The following DOK6 variants were observed in gnomAD, a reference collection of about 807,000 sequenced individuals.
DOK6 encodes docking protein 6.
DOK6 carries 22 observed loss-of-function variants against 44.0 expected under a neutral mutation model. The observed-to-expected ratio is 0.50, with a 90% CI of 0.36 to 0.71. The LOEUF (loss-of-function observed/expected upper bound fraction) is 0.71, where lower values mean the gene tolerates loss of function less well. Among genes scored for constraint, DOK6 ranks in the 30% least tolerant of loss-of-function variants. The pLI, the probability that DOK6 is intolerant of heterozygous loss-of-function variation, is 0.00. For missense variants in DOK6, 340 were observed against 416.4 expected (o/e 0.82, Z 1.60); for synonymous variants, 166 against 145.5 (o/e 1.14, Z -1.01).
In DOK6 at chr18:69,704,033, C is replaced by A. The variant is rs185177712; in HGVS notation, c.599+5440C>A. Among the ~76,000 whole-genome samples, 429 of 152,286 alleles carry A rather than the reference C, an allele frequency of 2.8e-3. 10 individuals are homozygous for A. Among genetic ancestry groups the A allele is most frequent in the Admixed American group, 0.025 (388 of 15,298 alleles). Reference sequence around the variant, plus strand: ...CCAGGAAGAAAGCCCTCACCAGAACCCAACCATGCTGGCACCCTGATCTCA... The same window carrying A: ...CCAGGAAGAAAGCCCTCACCAGAACACAACCATGCTGGCACCCTGATCTCA... On this transcript the variant is annotated intron_variant, in intron 5 of 7. Transcript: ENST00000382713.
intron 1 of DOK6, among the ~76,000 whole-genome samples, chr18:69,411,461 A>G (rs916228295): frequency 6.6e-6 from 1 of 152,182 alleles, no homozygotes; most frequent in African/African-American, 2.4e-5. Context: ...CAGGCTAGCC[A>G]GGATGGAGAA....
At chr18:69,565,503 GTGTGTGTGTGTGTGTGTGTATA>G (rs1257653715) in intron 2 of DOK6, among the ~76,000 whole-genome samples, 114 of 24,336 alleles carry the variant, frequency 4.7e-3, no homozygotes, top group African/African-American at 7.6e-3. Context: ...GTGTGTGTGT[GTGTGTGTGTGTGTGTGTGTATA>G]TATATATACA....
At chr18:69,743,827 A>AC (rs11392252) in intron 6 of DOK6, among the ~76,000 whole-genome samples, 85,686 of 151,006 alleles carry the variant, frequency 0.57, 26,094 homozygotes, top group East Asian at 0.69. Flanking sequence ...TATTAAAAAA[A>AC]AAAAAAAAAC....
rs536275037 is a variant in DOK6, at chr18:69,843,782, T to G, written c.*2399T>G. On this transcript the variant is annotated 3_prime_UTR_variant, in exon 8 of 8. Coordinates refer to ENST00000382713, the MANE Select transcript of DOK6 (RefSeq NM_152721.6). ...GTAAAAAGAGTATGTGTGAGAGAAA[T>G]CTCCTTCCCAAGTTTTTAACCAGAT... 2.8e-4 allele frequency: 42 copies of G among 152,234 alleles called. No individual in the cohort carries two copies. The highest frequency in any genetic ancestry group is 9.9e-4 in the African/African-American group (41 of 41,544). The allele number at this position is 152,234 out of a possible 1,614,324, so 9.4% of individuals were successfully genotyped here.
At chr18:69,569,641 G>A (rs1983066992) in intron 2 of DOK6, among the ~76,000 whole-genome samples, 2 of 152,214 alleles carry the variant, frequency 1.3e-5, no homozygotes, top group Admixed American at 6.5e-5. Flanking sequence ...TATGCTTGAT[G>A]AAGTGAATGA....
chr18:69,514,840 T>TACATA (rs369277915), intron 1 of DOK6, among the ~76,000 whole-genome samples: 1 of 119,818 alleles, frequency 8.3e-6, no homozygotes, highest in Non-Finnish European at 1.8e-5. Flanking sequence ...TCCATATATA[T>TACATA]TTTTTTTTTT....
intron 1 of DOK6, among the ~76,000 whole-genome samples, chr18:69,509,585 C>T (rs1225532958): frequency 6.9e-6 from 1 of 144,768 alleles, no homozygotes; most frequent in Non-Finnish European, 1.5e-5. Flanking sequence ...TTGCAGTGAG[C>T]CGAGATCGCG....
At chr18:69,527,964 C>T (rs1981878535) in intron 1 of DOK6, among the ~76,000 whole-genome samples, 1 of 152,032 alleles carries the variant, frequency 6.6e-6, no homozygotes. Context: ...GAGATCGATA[C>T]CATCTTGGCT....
chr18:69,846,333 C>T lies in DOK6; in HGVS notation c.*4950C>T, dbSNP rs1381720650. On this transcript the variant is annotated 3_prime_UTR_variant, in exon 8 of 8. Coordinates refer to ENST00000382713, the MANE Select transcript of DOK6 (RefSeq NM_152721.6). ...AAAGAAAGAGCCAAGAATTGTTTCT[C>T]GTAGTTCCAGGGTCCTGATCTAGGA... 3.3e-5 allele frequency: 5 copies of T among 152,220 alleles called. No individual in the cohort carries two copies. Among genetic ancestry groups the T allele is most frequent in the Non-Finnish European group, 7.3e-5 (5 of 68,052 alleles). The allele number at this position is 152,220 out of a possible 1,614,324, so 9.4% of individuals were successfully genotyped here. A position where few individuals can be genotyped will look rare whatever the true frequency, so the allele number is the denominator to read the frequency against.
At chr18:69,515,516 G>A (rs1189389764) in intron 1 of DOK6, among the ~76,000 whole-genome samples, 1 of 152,158 alleles carries the variant, frequency 6.6e-6, no homozygotes, top group African/African-American at 2.4e-5. Flanking sequence ...GAATAAATGA[G>A]GGATTCAGGC....
At chr18:69,535,150 G>C (rs1982087101) in intron 1 of DOK6, among the ~76,000 whole-genome samples, 1 of 152,070 alleles carries the variant, frequency 6.6e-6, no homozygotes, top group Non-Finnish European at 1.5e-5. Context: ...ATTGGTATGA[G>C]GGGAACGAAT....
chr18:69,620,430 T>C (rs1984413654), intron 3 of DOK6, among the ~76,000 whole-genome samples: 1 of 152,222 alleles, frequency 6.6e-6, no homozygotes, highest in South Asian at 2.1e-4. Context: ...ATCAGTATAA[T>C]TACATGGTTC....
chr18:69,821,704 G>T (rs9947556), intron 7 of DOK6, among the ~76,000 whole-genome samples: 39,878 of 151,390 alleles, frequency 0.26, 5,261 homozygotes, highest in Non-Finnish European at 0.27. Context: ...TCTTTGTGTC[G>T]GTCCTAAAAT....
intron 5 of DOK6, among the ~76,000 whole-genome samples, chr18:69,724,607 T>C (rs575517964): frequency 1.3e-4 from 20 of 152,324 alleles, no homozygotes; most frequent in African/African-American, 4.3e-4. Context: ...TTATAATAGT[T>C]GGTGCTGGGT....
intron 3 of DOK6, among the ~76,000 whole-genome samples, chr18:69,656,546 C>T (rs1034108976): frequency 6.6e-6 from 1 of 151,966 alleles, no homozygotes; most frequent in Non-Finnish European, 1.5e-5. Context: ...TTGTCACCGG[C>T]ACATAGTATA....
chr18:69,755,404 TAAAC>T lies in DOK6; in HGVS notation c.739-2348_739-2345del, dbSNP rs540022311. On this transcript the variant is annotated intron_variant, in intron 6 of 7. Coordinates refer to ENST00000382713, the MANE Select transcript of DOK6 (RefSeq NM_152721.6). ...CAATGATCTACTGTATGCTGAGTAATAAACAAATTATAATACATTAGAAAAAGGA... is the reference window on the plus strand; with the variant it reads ...CAATGATCTACTGTATGCTGAGTAATAAATTATAATACATTAGAAAAAGGA... Among the ~76,000 whole-genome samples, 447 of 152,272 alleles carry T rather than the reference TAAAC, an allele frequency of 2.9e-3. 4 individuals carry two copies. Among genetic ancestry groups the T allele is most frequent in the African/African-American group, 0.01 (419 of 41,540 alleles).
At chr18:69,836,628 T>C (rs1982062443) in intron 7 of DOK6, among the ~76,000 whole-genome samples, 1 of 152,234 alleles carries the variant, frequency 6.6e-6, no homozygotes, top group Non-Finnish European at 1.5e-5. Context: ...ATTAACAATT[T>C]TATTGCTTTT....
chr18:69,848,217 T>G lies in DOK6; in HGVS notation c.*6834T>G, dbSNP rs1239512183. On this transcript the variant is annotated 3_prime_UTR_variant, in exon 8 of 8. Transcript: ENST00000382713. ...TATATATTTGCTTTTTGTAAATCTT[T>G]ATTTAATTAATTTATATATACTTTG... 6.6e-6 allele frequency: 1 copy of G among 152,154 alleles called. No individual in the cohort carries two copies. The highest frequency in any genetic ancestry group is 1.5e-5 in the Non-Finnish European group (1 of 68,020). 9.4% of individuals were successfully genotyped at this position (152,154 alleles called of 1,614,324 possible).
chr18:69,696,195 TG>T (rs945884654), intron 4 of DOK6, among the ~76,000 whole-genome samples: 4 of 152,232 alleles, frequency 2.6e-5, no homozygotes, highest in African/African-American at 9.6e-5. Context: ...ACTCTCTCCT[TG>T]CTTATTTTTC....
Sources: gnomAD v4.1 joint callset for allele counts (sites outside exome capture counted in the v4.1 genomes callset) on GRCh38, gnomAD v4.1.1 for gene constraint, MANE v1.5 for transcripts, NCBI Gene and HGNC (gene_info 2026-07-23, HGNC 2026-07-21) for gene names.